CEMIP: variants seen among roughly 807,000 people sequenced by gnomAD.
The protein encoded by CEMIP is cell migration inducing hyaluronidase 1.
In CEMIP, 105 loss-of-function variants were observed where a neutral mutation model predicts 156.9. The observed-to-expected ratio is 0.67, with a 90% CI of 0.57 to 0.79. The LOEUF is 0.79. CEMIP is among the 30% of genes least tolerant of loss of function. CEMIP has a pLI of 0.00. For missense variants in CEMIP, 1,457 were observed against 1,769.4 expected (o/e 0.82, Z 3.17); for synonymous variants, 676 against 668.4 (o/e 1.01, Z -0.17).
chr15:80,921,746 T>C (rs946845510), intron 16 of CEMIP, among the ~76,000 whole-genome samples: 2 of 152,172 alleles, frequency 1.3e-5, no homozygotes, highest in African/African-American at 4.8e-5. Flanking sequence ...AGCCCTGCAG[T>C]GATTGAAACG....
At chr15:80,847,776 A>G (rs1428664190) in intron 1 of CEMIP, among the ~76,000 whole-genome samples, 1 of 152,214 alleles carries the variant, frequency 6.6e-6, no homozygotes, top group Non-Finnish European at 1.5e-5. Flanking sequence ...CAGAATGTCA[A>G]AGTGCAGAAG....
At chr15:80,858,909 T>C (rs1292989749) in intron 1 of CEMIP, among the ~76,000 whole-genome samples, 1 of 152,182 alleles carries the variant, frequency 6.6e-6, no homozygotes. Context: ...CATAATTGGG[T>C]CTTGGTGCTC....
intron 12 of CEMIP, among the ~76,000 whole-genome samples, chr15:80,901,515 A>G (rs1463236247): frequency 1.3e-5 from 2 of 152,136 alleles, no homozygotes; most frequent in Non-Finnish European, 2.9e-5. Context: ...CAGCCTGGCC[A>G]ACATAGTGAA....
chr15:80,919,987 TG>T, intron 14 of CEMIP, 106 bp from the exon 15 acceptor site: 1 of 1,015,694 alleles, frequency 9.8e-7, no homozygotes, highest in East Asian at 2.4e-5. Context: ...TAGTGTTTGC[TG>T]AATGAATGAA....
At chr15:80,825,535 C>T (rs1351274576) in intron 1 of CEMIP, among the ~76,000 whole-genome samples, 1 of 152,214 alleles carries the variant, frequency 6.6e-6, no homozygotes, top group African/African-American at 2.4e-5. Flanking sequence ...AGTCCTCTGT[C>T]TGACCTGCTA....
rs116878970 is a variant in CEMIP at position 80,817,716 on chromosome 15, A to G, written c.-176+38102A>G. 3.6e-3 allele frequency among the ~76,000 whole-genome samples: 543 copies of G among 152,046 alleles called. 2 individuals carry two copies. The highest frequency in any genetic ancestry group is 0.021 in the Middle Eastern group (6 of 292). The stretch of plus-strand genomic sequence containing the variant: ...TGTGAGGATCCTGACAACTGCTGCA[A>G]AGATGAGCGAGAACTGCAATTTAGG... On this transcript the variant is annotated intron_variant, in intron 1 of 29. Transcript: ENST00000394685.
intron 1 of CEMIP, among the ~76,000 whole-genome samples, chr15:80,862,430 C>T (rs546831010): frequency 4.6e-5 from 7 of 152,264 alleles, no homozygotes; most frequent in Admixed American, 1.3e-4. Flanking sequence ...GAGGGACAGT[C>T]GGGAGAGGTT....
At chr15:80,926,332 C>G (rs1161704376) in intron 19 of CEMIP, among the ~76,000 whole-genome samples, 1 of 152,186 alleles carries the variant, frequency 6.6e-6, no homozygotes, top group Non-Finnish European at 1.5e-5. Context: ...CTGGCACATG[C>G]TGGACAAGGA....
intron 12 of CEMIP, chr15:80,896,448 C>T (rs898857410): frequency 1.3e-5 from 6 of 453,514 alleles, no homozygotes; most frequent in Non-Finnish European, 2.2e-5. Context: ...AAGTAAGTCA[C>T]ATGGTAAAGC....
intron 1 of CEMIP, among the ~76,000 whole-genome samples, chr15:80,865,316 G>C (rs940379681): frequency 6.6e-6 from 1 of 152,036 alleles, no homozygotes. Context: ...TGGGTAGCTG[G>C]GTCTACGGGC....
chr15:80,937,749 G>T (rs775622506), intron 24 of CEMIP, 45 bp from the exon 25 acceptor site: 26 of 1,595,272 alleles, frequency 1.6e-5, no homozygotes, highest in Non-Finnish European at 2.2e-5. Context: ...AGGCCCTGTG[G>T]CCTGGACACC....
chr15:80,866,187 A>C (rs1450509921), intron 1 of CEMIP, among the ~76,000 whole-genome samples: 2 of 152,180 alleles, frequency 1.3e-5, no homozygotes, highest in Non-Finnish European at 2.9e-5. Flanking sequence ...CGAGTCCGTG[A>C]GGGTGAATTT....
At chr15:80,937,531 T>C (rs944389745) in intron 24 of CEMIP, among the ~76,000 whole-genome samples, 1 of 152,174 alleles carries the variant, frequency 6.6e-6, no homozygotes, top group South Asian at 2.1e-4. Context: ...CAAAGTTCCA[T>C]ATGCAGCACC....
chr15:80,908,131 G>C (rs575707935), intron 13 of CEMIP, among the ~76,000 whole-genome samples: 2 of 152,272 alleles, frequency 1.3e-5, no homozygotes, highest in Admixed American at 1.3e-4. Context: ...CTGGGTATAG[G>C]GTGGGGCAGA....
At chr15:80,848,811 G>A (rs1241263956) in intron 1 of CEMIP, among the ~76,000 whole-genome samples, 1 of 151,498 alleles carries the variant, frequency 6.6e-6, no homozygotes, top group Non-Finnish European at 1.5e-5. Context: ...ACCTTGCAGG[G>A]TCACTCCAGA....
chr15:80,883,905 A>C (rs570922159), intron 6 of CEMIP, among the ~76,000 whole-genome samples: 2 of 152,372 alleles, frequency 1.3e-5, no homozygotes, highest in South Asian at 4.1e-4. Context: ...TGGAGCTTGA[A>C]GTCTTCACTG....
At chr15:80,826,374 A>G (rs962186479) in intron 1 of CEMIP, among the ~76,000 whole-genome samples, 2 of 152,162 alleles carry the variant, frequency 1.3e-5, no homozygotes, top group African/African-American at 4.8e-5. Context: ...AGGCTTCTAC[A>G]TCTTGCCTTA....
At chr15:80,850,316 G>A (rs548426169) in intron 1 of CEMIP, among the ~76,000 whole-genome samples, 8 of 152,210 alleles carry the variant, frequency 5.3e-5, no homozygotes, top group South Asian at 4.2e-4. Flanking sequence ...CCACTCTGTC[G>A]CCTAGGCTGG....
intron 1 of CEMIP, among the ~76,000 whole-genome samples, chr15:80,845,291 C>A (rs957480804): frequency 6.6e-6 from 1 of 152,018 alleles, no homozygotes; most frequent in Non-Finnish European, 1.5e-5. Flanking sequence ...TTTAGCCAGG[C>A]GTGGTGGTGC....
Sources: allele counts gnomAD v4.1 joint callset (sites outside exome capture counted in the v4.1 genomes callset), GRCh38; gene constraint gnomAD v4.1.1; transcripts MANE v1.5; gene names NCBI Gene and HGNC (gene_info 2026-07-23, HGNC 2026-07-21).